Variants in KCNH1 observed in about 807,000 individuals in gnomAD.
The protein encoded by KCNH1 is potassium voltage-gated channel subfamily H member 1, also known as voltage-gated delayed rectifier potassium channel KCNH1.
In KCNH1, 27 loss-of-function variants were observed where a neutral mutation model predicts 69.2. The ratio of observed to expected loss-of-function variants is 0.39; its 90% CI spans 0.29 to 0.54. KCNH1 has a LOEUF of 0.54. Among genes scored for constraint, KCNH1 ranks in the 20% least tolerant of loss-of-function variants. The pLI, the probability that KCNH1 is intolerant of heterozygous loss-of-function variation, is 0.68. For synonymous variants in KCNH1, 456 were observed against 487.7 expected (o/e 0.93, Z 0.86); for missense variants, 798 against 1,261.6 (o/e 0.63, Z 5.57).
At chr1:210,815,725 G>C (rs1684799990) in intron 7 of KCNH1, among the ~76,000 whole-genome samples, 1 of 152,060 alleles carries the variant, frequency 6.6e-6, no homozygotes, top group Admixed American at 6.5e-5. Flanking sequence ...CCTTGAGATA[G>C]CAGCTGATTT....
intron 5 of KCNH1, among the ~76,000 whole-genome samples, chr1:211,073,933 A>C (rs924898074): frequency 6.6e-6 from 1 of 151,982 alleles, no homozygotes; most frequent in Non-Finnish European, 1.5e-5. Context: ...CTTTGAAAAA[A>C]ATCAATAAAA....
intron 10 of KCNH1, among the ~76,000 whole-genome samples, chr1:210,754,617 T>C (rs766547877): frequency 2.0e-5 from 3 of 151,968 alleles, no homozygotes; most frequent in Non-Finnish European, 4.4e-5. Flanking sequence ...CCCCCAACTC[T>C]CTCTATTGCT....
intron 7 of KCNH1, among the ~76,000 whole-genome samples, chr1:210,817,599 C>G (rs1684844475): frequency 6.6e-6 from 1 of 152,136 alleles, no homozygotes; most frequent in Non-Finnish European, 1.5e-5. Flanking sequence ...AAATGCCTCT[C>G]TAAACAATAA....
intron 6 of KCNH1, among the ~76,000 whole-genome samples, chr1:210,975,817 T>C (rs1424827759): frequency 6.6e-6 from 1 of 152,130 alleles, no homozygotes; most frequent in Non-Finnish European, 1.5e-5. Flanking sequence ...ACAGGCAACC[T>C]ACAGAATGGG....
chr1:210,988,577 A>G (rs984706378), intron 6 of KCNH1, among the ~76,000 whole-genome samples: 30 of 152,376 alleles, frequency 2.0e-4, no homozygotes, highest in African/African-American at 7.0e-4. Context: ...ATCTCCTGAT[A>G]GCAGGATAAA....
rs1309492898 is a variant in KCNH1 at position 210,986,505 on chromosome 1, C to A, written c.1032+32278G>T. Among the ~76,000 whole-genome samples, 7 of 152,128 alleles carry A rather than the reference C, an allele frequency of 4.6e-5. 1 individual carries two copies. Among genetic ancestry groups the A allele is most frequent in the African/African-American group, 1.7e-4 (7 of 41,402 alleles). ...TGGTGACAAAATCTCTCAGCATTTG[C>A]TTGTCTGTAAAGGATTTTATTTCTC... is the stretch of plus-strand genomic sequence containing the variant. On this transcript the variant is annotated intron_variant, in intron 6 of 10. Coordinates refer to ENST00000271751, the MANE Select transcript of KCNH1 (RefSeq NM_172362.3).
chr1:210,930,812 C>T (rs745498172), intron 6 of KCNH1, among the ~76,000 whole-genome samples: 6 of 152,130 alleles, frequency 3.9e-5, no homozygotes, highest in Non-Finnish European at 4.4e-5. Flanking sequence ...TATCCAGAAT[C>T]AACAAAGAAC....
chr1:211,047,324 T>C (rs1419085801), intron 5 of KCNH1, among the ~76,000 whole-genome samples: 3 of 152,180 alleles, frequency 2.0e-5, no homozygotes, highest in Non-Finnish European at 4.4e-5. Flanking sequence ...ACTATATACA[T>C]ATTAAACAAC....
chr1:210,806,796 C>T (rs1318650667), intron 7 of KCNH1, among the ~76,000 whole-genome samples: 1 of 94,554 alleles, frequency 1.1e-5, no homozygotes, highest in African/African-American at 4.4e-5. Flanking sequence ...ATGGTGAAAC[C>T]CCATCTCTAC....
intron 7 of KCNH1, among the ~76,000 whole-genome samples, chr1:210,847,347 T>G (rs530141772): frequency 3.2e-4 from 48 of 152,202 alleles, no homozygotes; most frequent in African/African-American, 1.1e-3. Context: ...CCAACAACGA[T>G]AGACTGGATT....
intron 7 of KCNH1, among the ~76,000 whole-genome samples, chr1:210,811,981 T>C (rs932171423): frequency 3.3e-5 from 5 of 152,100 alleles, no homozygotes; most frequent in Admixed American, 6.5e-5. Context: ...ACCTCCAAAG[T>C]AGATTTGGTA....
At chr1:210,949,022 CA>C (rs1688015243) in intron 6 of KCNH1, among the ~76,000 whole-genome samples, 1 of 151,972 alleles carries the variant, frequency 6.6e-6, no homozygotes, top group Non-Finnish European at 1.5e-5. Flanking sequence ...ATGGGGTGTC[CA>C]AAAACAAATG....
chr1:210,799,386 C>CA (rs570047413), intron 8 of KCNH1, among the ~76,000 whole-genome samples: 1 of 151,990 alleles, frequency 6.6e-6, no homozygotes, highest in South Asian at 2.1e-4. Flanking sequence ...AGCTGCCCCA[C>CA]AAAAAAGGCT....
At chr1:210,959,090 A>T (rs143574977) in intron 6 of KCNH1, among the ~76,000 whole-genome samples, 26 of 152,184 alleles carry the variant, frequency 1.7e-4, no homozygotes, top group African/African-American at 6.0e-4. Context: ...CCAATAAATG[A>T]GGTTTTGGTG....
At chr1:210,907,370 T>C (rs1687123292) in intron 7 of KCNH1, among the ~76,000 whole-genome samples, 1 of 152,136 alleles carries the variant, frequency 6.6e-6, no homozygotes, top group Non-Finnish European at 1.5e-5. Flanking sequence ...GGTAGAAATG[T>C]GATTTCTCCA....
At chr1:210,836,432 T>C (rs1685284812) in intron 7 of KCNH1, among the ~76,000 whole-genome samples, 2 of 152,214 alleles carry the variant, frequency 1.3e-5, no homozygotes, top group African/African-American at 2.4e-5. Flanking sequence ...AGAATGCTGA[T>C]GCACTTTGGC....
chr1:210,938,568 G>C (rs1405220681), intron 6 of KCNH1, among the ~76,000 whole-genome samples: 2 of 151,950 alleles, frequency 1.3e-5, no homozygotes, highest in African/African-American at 4.8e-5. Context: ...TTGATCCTTG[G>C]CAGCCTCATC....
chr1:210,924,167 C>G (rs953890445), intron 6 of KCNH1, among the ~76,000 whole-genome samples: 1 of 152,212 alleles, frequency 6.6e-6, no homozygotes, highest in Admixed American at 6.5e-5. Context: ...CCTGCCAACA[C>G]CTTGATTTTA....
At chr1:210,974,686 C>T (rs1160203942) in intron 6 of KCNH1, among the ~76,000 whole-genome samples, 1 of 151,752 alleles carries the variant, frequency 6.6e-6, no homozygotes, top group African/African-American at 2.4e-5. Context: ...GCCTCAGCCT[C>T]CCAAGTAGCT....
Sources: gnomAD v4.1 joint callset for allele counts (sites outside exome capture counted in the v4.1 genomes callset) on GRCh38, gnomAD v4.1.1 for gene constraint, MANE v1.5 for transcripts, NCBI Gene and HGNC (gene_info 2026-07-23, HGNC 2026-07-21) for gene names.